Variants in FBXL13 observed in about 807,000 individuals in gnomAD.
FBXL13 encodes F-box and leucine rich repeat protein 13, also known as F-box and leucine-rich repeat protein 13.
FBXL13 carries 67 observed loss-of-function variants against 83.6 expected under a neutral mutation model. The observed-to-expected ratio is 0.80, with a 90% confidence interval of 0.66 to 0.98. FBXL13 has a LOEUF of 0.98. FBXL13 is among the 50% of genes least tolerant of loss of function. FBXL13 has a pLI of 0.00. For missense variants in FBXL13, 822 were observed against 866.5 expected (o/e 0.95, Z 0.64); for synonymous variants, 272 against 299.5 (o/e 0.91, Z 0.95).
rs550837652 is a variant in FBXL13 at position 102,955,643 on chromosome 7, A to C, written c.724+7890T>G. Among the ~76,000 whole-genome samples the C allele has an allele frequency of 9.9e-5, 15 of 152,056 alleles. 2 individuals carry two copies. The highest frequency in any genetic ancestry group is 7.9e-4 in the Admixed American group (12 of 15,272). On this transcript the variant is annotated intron_variant, in intron 8 of 19. Transcript: ENST00000313221. ...CAACAGAATTGACAGACTGCTAGCA[A>C]GACTAATAAAGAAGAGAGAAGCATC...
At chr7:102,828,671 C>A (rs1047103655) in intron 18 of FBXL13, among the ~76,000 whole-genome samples, 2 of 152,192 alleles carry the variant, frequency 1.3e-5, no homozygotes, top group Non-Finnish European at 2.9e-5. Flanking sequence ...ATAGTGTTTA[C>A]TCTCATCTCC....
chr7:102,973,441 A>G lies in FBXL13; in HGVS notation c.496-5324T>C. On this transcript the variant is annotated intron_variant, in intron 6 of 19. Transcript: ENST00000313221. Reference sequence around the variant, plus strand: ...ATAGCAGTTACATCAGACTGGGACAATTCCTGTTTACGGAAGACTATAAAA... The same window carrying G: ...ATAGCAGTTACATCAGACTGGGACAGTTCCTGTTTACGGAAGACTATAAAA... 3 of 726,092 alleles carry G rather than the reference A, an allele frequency of 4.1e-6. No individual in the cohort carries two copies. In the Admixed American group the frequency reaches 5.9e-5, roughly 14 times the overall value. 45.0% of individuals were successfully genotyped at this position (726,092 alleles called of 1,614,324 possible). A position where few individuals can be genotyped will look rare whatever the true frequency, so the allele number is the denominator to read the frequency against.
At chr7:102,967,761 C>T (rs1355179832) in intron 7 of FBXL13, among the ~76,000 whole-genome samples, 4 of 152,188 alleles carry the variant, frequency 2.6e-5, no homozygotes, top group African/African-American at 4.8e-5. Context: ...TAAAATGGAG[C>T]TTTGTTTCAA....
chr7:102,831,037 T>G (rs1356745412), intron 18 of FBXL13, among the ~76,000 whole-genome samples: 1 of 152,102 alleles, frequency 6.6e-6, no homozygotes, highest in African/African-American at 2.4e-5. Context: ...GATCTACGTG[T>G]GTTATTTGTT....
At chr7:102,888,305 A>G (rs373068588) in intron 11 of FBXL13, among the ~76,000 whole-genome samples, 1 of 152,184 alleles carries the variant, frequency 6.6e-6, no homozygotes, top group East Asian at 1.9e-4. Flanking sequence ...TTGGGAGGCC[A>G]AGGTGGGCAG....
At chr7:102,990,325 C>T (rs1197002104) in intron 6 of FBXL13, among the ~76,000 whole-genome samples, 1 of 152,126 alleles carries the variant, frequency 6.6e-6, no homozygotes, top group Non-Finnish European at 1.5e-5. Context: ...CAGGAAATGT[C>T]ATGCCACAGA....
rs553941041 is a variant in FBXL13, at chr7:102,852,254, T to C, written c.1719+2523A>G. Among the ~76,000 whole-genome samples, 114 of 152,254 alleles carry C rather than the reference T, an allele frequency of 7.5e-4. 4 individuals are homozygous for C. The South Asian group carries it at 0.015, about 20-fold the overall frequency. ...CTAAGAGCCTGGAGGTGAACTTGGT[T>C]CAACTAAGATCACATATGTGTTGTT... On this transcript the variant is annotated intron_variant, in intron 17 of 19. Coordinates refer to ENST00000313221, the Ensembl canonical transcript of FBXL13.
intron 6 of FBXL13, 96 bp from the exon 8 acceptor site, chr7:102,968,213 G>A: frequency 1.4e-6 from 1 of 719,832 alleles, no homozygotes; most frequent in South Asian, 1.6e-5. Context: ...ACATGTGCGT[G>A]CACACACACA....
intron 18 of FBXL13, among the ~76,000 whole-genome samples, chr7:102,826,721 T>C (rs1799678208): frequency 1.4e-5 from 1 of 70,444 alleles, no homozygotes; most frequent in Admixed American, 1.8e-4. Flanking sequence ...TGAGACCCTG[T>C]CTCATATATA....
intron 1 of FBXL13, among the ~76,000 whole-genome samples, chr7:103,071,676 T>C (rs1798975155): frequency 1.3e-5 from 2 of 151,666 alleles, no homozygotes. Context: ...ATTACAGGCA[T>C]GAACCACCAA....
At chr7:102,970,209 C>A (rs980867011) in intron 6 of FBXL13, among the ~76,000 whole-genome samples, 6 of 151,934 alleles carry the variant, frequency 3.9e-5, no homozygotes, top group African/African-American at 1.5e-4. Flanking sequence ...CATGGTCATG[C>A]GACTGCACTC....
At chr7:103,059,772 A>G (rs929502901) in intron 1 of FBXL13, among the ~76,000 whole-genome samples, 1 of 151,584 alleles carries the variant, frequency 6.6e-6, no homozygotes, top group Non-Finnish European at 1.5e-5. Context: ...TGTTGCTTCC[A>G]CTCCTTTCTC....
chr7:103,000,615 A>G (rs899369738), intron 6 of FBXL13, among the ~76,000 whole-genome samples: 2 of 152,226 alleles, frequency 1.3e-5, no homozygotes, highest in Non-Finnish European at 2.9e-5. Context: ...GGTCTAGGGC[A>G]TAATATCACT....
At chr7:102,927,083 G>A (rs939257839) in intron 9 of FBXL13, among the ~76,000 whole-genome samples, 2 of 152,148 alleles carry the variant, frequency 1.3e-5, no homozygotes, top group African/African-American at 4.8e-5. Flanking sequence ...AAATAAGAGA[G>A]ACAGAAAAAC....
In FBXL13 at chr7:102,973,879, G is replaced by A. The variant is rs1231784544; in HGVS notation, c.496-5762C>T. On this transcript the variant is annotated intron_variant, in intron 6 of 19. Transcript: ENST00000313221. ...TCCAAGAAGGCTCCGACGTGTGCCA[G>A]GTACTTGCTGATCATCTGGTCTTAG... The A allele has an allele frequency of 7.3e-6, 5 of 684,934 alleles. No homozygotes were observed. In the African/African-American group the frequency reaches 9.0e-5, roughly 12 times the overall value. The allele number at this position is 684,934 out of a possible 1,614,324, so 42.4% of individuals were successfully genotyped here.
At chr7:102,927,508 G>A (rs867348791) in intron 9 of FBXL13, among the ~76,000 whole-genome samples, 4 of 152,154 alleles carry the variant, frequency 2.6e-5, no homozygotes, top group Non-Finnish European at 4.4e-5. Context: ...CAGTAGTCAT[G>A]GATTTTTAAA....
chr7:102,870,883 T>G (rs751735009), intron 16 of FBXL13, among the ~76,000 whole-genome samples: 3 of 152,236 alleles, frequency 2.0e-5, no homozygotes, highest in South Asian at 4.1e-4. Flanking sequence ...GCCACTGCAT[T>G]CTAGCTTGGG....
In FBXL13 at chr7:103,054,390, GAAAAAAA is replaced by G. The variant is rs5886240; in HGVS notation, c.-1+1247_-1+1253del. Reference sequence around the variant, plus strand: ...GGGCAGCAGAGCAAGACTCCGTCTGGAAAAAAAAAAAAAAAAAAGAGAGAGAGTTATC... The same window carrying G: ...GGGCAGCAGAGCAAGACTCCGTCTGGAAAAAAAAAAAGAGAGAGAGTTATC... On this transcript the variant is annotated intron_variant, in intron 2 of 19. Coordinates refer to ENST00000313221, the Ensembl canonical transcript of FBXL13. Among the ~76,000 whole-genome samples, 17 of 120,492 alleles carry G rather than the reference GAAAAAAA, an allele frequency of 1.4e-4. No homozygotes were observed. In the East Asian group the frequency reaches 4.0e-3, roughly 28 times the overall value. 79.0% of individuals were successfully genotyped at this position (120,492 alleles called of 152,430 possible).
chr7:102,811,595 A>G (rs1469087977), downstream of FBXL13, among the ~76,000 whole-genome samples: 1 of 152,254 alleles, frequency 6.6e-6, no homozygotes, highest in Admixed American at 6.5e-5. Flanking sequence ...TCTGGAGAAC[A>G]TAACAGGGTG....
Sources: gnomAD v4.1 joint callset for allele counts (sites outside exome capture counted in the v4.1 genomes callset) on GRCh38, gnomAD v4.1.1 for gene constraint, MANE v1.5 for transcripts, NCBI Gene and HGNC (gene_info 2026-07-23, HGNC 2026-07-21) for gene names.